The following YME1L1 variants were observed in gnomAD, a reference collection of about 807,000 sequenced individuals.
The protein encoded by YME1L1 is ATP-dependent zinc metalloprotease YME1L1.
YME1L1 carries 39 observed loss-of-function variants against 90.4 expected under a neutral mutation model. The ratio of observed to expected loss-of-function variants is 0.43; its 90% CI spans 0.33 to 0.56. The LOEUF (loss-of-function observed/expected upper bound fraction) is 0.56. Ranked by LOEUF, YME1L1 falls within the 20% of genes least tolerant of loss-of-function variation. The probability of loss-of-function intolerance (pLI) is 0.03; values close to 1 mark genes in which losing one functional copy is unlikely to be tolerated. For missense variants in YME1L1, 617 were observed against 868.4 expected (o/e 0.71, Z 3.64); for synonymous variants, 284 against 287.3 (o/e 0.99, Z 0.12).
intron 8 of YME1L1, among the ~76,000 whole-genome samples, chr10:27,129,772 G>C (rs1042980130): frequency 6.7e-6 from 1 of 149,708 alleles, no homozygotes; most frequent in African/African-American, 2.5e-5. Context: ...ATAAATTCAT[G>C]ATCCAAAATT....
At chr10:27,147,771 T>C in intron 2 of YME1L1, 1 of 1,481,766 alleles carries the variant, frequency 6.7e-7, no homozygotes, top group South Asian at 1.3e-5. Flanking sequence ...CTGTCAATTG[T>C]GCAGTTTCAC....
intron 1 of YME1L1, chr10:27,153,201 G>C (rs1019719316): frequency 4.2e-5 from 20 of 470,818 alleles, no homozygotes; most frequent in African/African-American, 3.8e-4. Context: ...AATATTAAGA[G>C]AAGATTCCAC....
Position 27,134,054 on chromosome 10 carries a change from T to G in YME1L1, c.760A>C (p.Asn254His). The G allele has an allele frequency of 6.2e-7, 1 of 1,612,934 alleles. No individual in the cohort carries two copies. The highest frequency in any genetic ancestry group is 8.5e-7 in the Non-Finnish European group (1 of 1,179,648). The change falls in exon 7 of 19, where the codon AAC becomes CAC. Residue 254 changes from asparagine (N) to histidine (H), a missense_variant. By Grantham distance (68) the Asn-to-His change is moderately conservative. Coordinates refer to ENST00000376016, the MANE Select transcript of YME1L1 (RefSeq NM_014263.4). Reference protein sequence around the residue: ...LLFGIYGLLKNPFLSVRFRTT... With the variant: ...LLFGIYGLLKHPFLSVRFRTT... ...AAGCTTTTACCAGATAAAAATGGGT[T>G]TTTTAGAAGTCCATAAATGCCGAAT...
intron 17 of YME1L1, among the ~76,000 whole-genome samples, chr10:27,114,826 G>A (rs1353963840): frequency 6.6e-6 from 1 of 151,996 alleles, no homozygotes; most frequent in Non-Finnish European, 1.5e-5. Flanking sequence ...TTAGGAGTTC[G>A]AGACCAGCCT....
rs1352299181 is a variant in YME1L1 at position 27,113,243 on chromosome 10, A to T, written c.2008-1123T>A. ...TCAAAAAAAAAAAAAAAAAAAAAAAAAAAAAAAAAAAAAAAAAAAAGACCT... is the reference window on the plus strand; with the variant it reads ...TCAAAAAAAAAAAAAAAAAAAAAAATAAAAAAAAAAAAAAAAAAAAGACCT... On this transcript the variant is annotated intron_variant, in intron 18 of 18. Coordinates refer to ENST00000376016, the MANE Select transcript of YME1L1 (RefSeq NM_014263.4). Among the ~76,000 whole-genome samples the T allele has an allele frequency of 5.8e-4, 85 of 146,750 alleles. 2 individuals carry two copies. Among genetic ancestry groups the T allele is most frequent in the African/African-American group, 1.9e-3 (76 of 39,806 alleles).
Position 27,124,881 on chromosome 10 carries a change from G to A in YME1L1, c.950-1182C>T, listed in dbSNP as rs142516179. ...GTGCTCTTTTTTAATTCCTTTTTGC[G>A]TGGACACCACATAAGCCATCACTTG... On this transcript the variant is annotated intron_variant, in intron 9 of 18. Coordinates refer to ENST00000376016, the MANE Select transcript of YME1L1 (RefSeq NM_014263.4). Among the ~76,000 whole-genome samples, 501 of 152,018 alleles carry A rather than the reference G, an allele frequency of 3.3e-3. 2 individuals are homozygous for A. The highest frequency in any genetic ancestry group is 0.011 in the African/African-American group (474 of 41,464).
chr10:27,113,950 T>TAA (rs753554943), intron 18 of YME1L1, among the ~76,000 whole-genome samples: 19 of 117,532 alleles, frequency 1.6e-4, no homozygotes, highest in Admixed American at 2.7e-4. Flanking sequence ...TGAGACTCCA[T>TAA]AAAAAAAAAA....
At chr10:27,130,784 T>C (rs1245179529) in intron 8 of YME1L1, among the ~76,000 whole-genome samples, 1 of 152,048 alleles carries the variant, frequency 6.6e-6, no homozygotes, top group Non-Finnish European at 1.5e-5. Flanking sequence ...ATCTGGGAGG[T>C]GGAGGTTGCA....
At chr10:27,153,145 G>A in intron 1 of YME1L1, 2 of 468,182 alleles carry the variant, frequency 4.3e-6, no homozygotes, top group Non-Finnish European at 8.8e-6. Context: ...TGTGATACCT[G>A]TTCACTCTTC....
At chr10:27,141,869 A>C (rs1285976182) in intron 4 of YME1L1, among the ~76,000 whole-genome samples, 1 of 152,128 alleles carries the variant, frequency 6.6e-6, no homozygotes, top group African/African-American at 2.4e-5. Flanking sequence ...GAAGGTAGAA[A>C]ACATGTCTTT....
intron 10 of YME1L1, 96 bp downstream of exon 10, chr10:27,123,451 A>T: frequency 7.1e-7 from 1 of 1,417,584 alleles, no homozygotes; most frequent in Non-Finnish European, 9.6e-7. Context: ...TAGAAATTAA[A>T]AAAAGGAAGA....
At chr10:27,136,475 A>G (rs2057028484) in intron 4 of YME1L1, 90 bp from the exon 5 acceptor site, 2 of 1,030,188 alleles carry the variant, frequency 1.9e-6, no homozygotes, top group East Asian at 2.5e-5. Context: ...CCCTACCTGT[A>G]TATCCTAGTC....
chr10:27,150,207 A>T (rs576358285), intron 1 of YME1L1, among the ~76,000 whole-genome samples: 1 of 152,198 alleles, frequency 6.6e-6, no homozygotes, highest in Non-Finnish European at 1.5e-5. Flanking sequence ...AAGAAAAAAA[A>T]AAATTTACTT....
chr10:27,140,953 G>A (rs115833789), intron 4 of YME1L1, among the ~76,000 whole-genome samples: 62 of 152,194 alleles, frequency 4.1e-4, no homozygotes, highest in African/African-American at 1.4e-3. Context: ...AGCTAAAAAC[G>A]TATCAGCTGT....
chr10:27,116,382 A>G, intron 15 of YME1L1, 37 bp from the exon 16 acceptor site: 2 of 1,607,404 alleles, frequency 1.2e-6, no homozygotes, highest in Non-Finnish European at 1.7e-6. Flanking sequence ...AAAAATAAGC[A>G]AAGAGGCTGG....
chr10:27,131,022 T>G (rs562850382), intron 8 of YME1L1, among the ~76,000 whole-genome samples: 1 of 152,378 alleles, frequency 6.6e-6, no homozygotes, highest in South Asian at 2.1e-4. Flanking sequence ...CCCTATTACT[T>G]GAGAGCCTTT....
At chr10:27,149,711 CAAAAAAAAAAAAAA>C (rs58900380) in intron 1 of YME1L1, among the ~76,000 whole-genome samples, 4 of 32,362 alleles carry the variant, frequency 1.2e-4, no homozygotes, top group Non-Finnish European at 2.2e-4. Context: ...ACCTGTCTCT[CAAAAAAAAAAAAAA>C]AAAAAAAAAA....
rs757901883 is a variant in YME1L1 at position 27,149,010 on chromosome 10, C to T, written c.64G>A (p.Ala22Thr). 1.2e-6 allele frequency: 2 copies of T among 1,612,388 alleles called. No homozygotes were observed. The highest frequency in any genetic ancestry group is 1.7e-6 in the Non-Finnish European group (2 of 1,179,394). The change falls in exon 2 of 19, where the codon GCC becomes ACC. Residue 22 changes from alanine to threonine, a missense_variant. Ala to Thr is a moderately conservative substitution (Grantham distance 58). This residue lies in a region of YME1L1 where 311 missense variants were observed against 335.8 expected (regional missense o/e 0.93). Transcript: ENST00000376016. ...VTVPLSHLIN[A>T]FHTPKNTSVS... ...GAAGTGTTTTTTGGTGTATGGAAGG[C>T]ATTGATGAGATGACTCAGAGGAACT...
In YME1L1 at chr10:27,114,601, C is replaced by T; in HGVS notation, c.1927G>A (p.Val643Ile). 3 of 1,608,560 alleles carry T rather than the reference C, an allele frequency of 1.9e-6. No homozygotes were observed. Among genetic ancestry groups the T allele is most frequent in the Middle Eastern group, 3.3e-4 (2 of 6,040 alleles). ...TKFGMSEKLG[V>I]MTYSDTGKLS... ...TTCCCTGTATCACTGTAGGTCATAA[C>T]TCCAAGCTAAAACCAAAAGGAAGAA... Residue 643 changes from valine (V) to isoleucine (I), a missense_variant, in exon 18 of 19, where the codon GTT becomes ATT. By Grantham distance (29) the Val-to-Ile change is conservative. Coordinates refer to ENST00000376016, the MANE Select transcript of YME1L1 (RefSeq NM_014263.4).
Sources: allele counts gnomAD v4.1 joint callset (sites outside exome capture counted in the v4.1 genomes callset), GRCh38; gene constraint gnomAD v4.1.1; regional missense constraint gnomAD v4.1.1; transcripts MANE v1.5; gene names NCBI Gene and HGNC (gene_info 2026-07-23, HGNC 2026-07-21).